The following ALG1L2 variants were observed in gnomAD, a reference collection of about 807,000 sequenced individuals.
ALG1L2 encodes ALG1 chitobiosyldiphosphodolichol beta-mannosyltransferase like 2, also known as putative glycosyltransferase ALG1L2.
In ALG1L2, 32 loss-of-function variants were observed where a neutral mutation model predicts 29.0. That is an observed-to-expected ratio of 1.10 (90% CI 0.83 to 1.48). The LOEUF (loss-of-function observed/expected upper bound fraction) is 1.48, where lower values mean the gene tolerates loss of function less well. Ranked by LOEUF, ALG1L2 falls within the 40% of genes most tolerant of loss-of-function variation. The pLI, the probability that ALG1L2 is intolerant of heterozygous loss-of-function variation, is 0.00. For synonymous variants in ALG1L2, 110 were observed against 109.5 expected (o/e 1.00, Z -0.03); for missense variants, 318 against 274.1 (o/e 1.16, Z -1.13).
At chr3:130,098,009 G>C (rs1055565252) in intron 7 of ALG1L2, among the ~76,000 whole-genome samples, 4 of 152,164 alleles carry the variant, frequency 2.6e-5, no homozygotes, top group Non-Finnish European at 5.9e-5. Context: ...GGTGCTCCAG[G>C]GCACCAAGTG....
chr3:130,082,634 A>G (rs1329216214), intron 1 of ALG1L2, among the ~76,000 whole-genome samples: 1 of 144,068 alleles, frequency 6.9e-6, no homozygotes, highest in African/African-American at 2.4e-5. Context: ...CCCTGCAGCC[A>G]GTCTGAATCT....
chr3:130,093,676 G>T (rs984464124), intron 4 of ALG1L2, among the ~76,000 whole-genome samples: 1 of 152,106 alleles, frequency 6.6e-6, no homozygotes, highest in African/African-American at 2.4e-5. Flanking sequence ...CACCCGCCTT[G>T]GCCTCCCAAT....
rs1935034350 is a variant in ALG1L2, at chr3:130,092,237, TG to T, written c.253+19del. The stretch of plus-strand genomic sequence containing the variant: ...AAGCTGGACAGGTCTGCATGACCAC[TG>T]GGGCACTTGGGGTTGGTGTGAAGGG... On this transcript the variant is annotated intron_variant, in intron 3 of 7. Transcript: ENST00000425059. The T allele has an allele frequency of 6.2e-7, 1 of 1,605,000 alleles. No homozygotes were observed. Among genetic ancestry groups the T allele is most frequent in the African/African-American group, 1.3e-5 (1 of 74,600 alleles).
At chr3:130,085,393 G>A (rs1362397352) in intron 1 of ALG1L2, among the ~76,000 whole-genome samples, 1 of 105,048 alleles carries the variant, frequency 9.5e-6, no homozygotes. Flanking sequence ...ACTGTGCCTG[G>A]CGTATTTTAT....
At chr3:130,094,332 T>C in intron 4 of ALG1L2, 71 bp from the exon 5 acceptor site, 1 of 1,535,676 alleles carries the variant, frequency 6.5e-7, no homozygotes, top group Non-Finnish European at 8.9e-7. Context: ...TAGGGGGGAG[T>C]GTCTTGGGCC....
chr3:130,095,939 G>A lies in ALG1L2; in HGVS notation c.425-110G>A. On this transcript the variant is annotated intron_variant, in intron 5 of 7. Coordinates refer to ENST00000425059, the MANE Select transcript of ALG1L2 (RefSeq NM_001136152.1). ...CCACTTGTGGTTGGGGATGTCGGGG[G>A]CCTTATCCAATTTTCACTCCCCTCG... 6.8e-6 allele frequency: 8 copies of A among 1,171,266 alleles called. No individual in the cohort carries two copies. In the East Asian group the frequency reaches 7.7e-5, roughly 11 times the overall value. The allele number at this position is 1,171,266 out of a possible 1,614,324, so 72.6% of individuals were successfully genotyped here.
chr3:130,089,874 C>G (rs1175815856), intron 1 of ALG1L2, among the ~76,000 whole-genome samples: 3 of 152,400 alleles, frequency 2.0e-5, no homozygotes, highest in African/African-American at 4.8e-5. Flanking sequence ...AACCCTGTCT[C>G]TACTTAAAAA....
chr3:130,096,098 C>G lies in ALG1L2; in HGVS notation c.474C>G (p.Asp158Glu), dbSNP rs751316543. Residue 158 changes from aspartate (D) to glutamate (E), a missense_variant, in exon 6 of 8, where the codon GAC becomes GAG. Transcript: ENST00000425059. ...TGGACACGTCCTCCAGTGGCCTGGA[C>G]CTGCCCATGAAGGTGGTGGACATGT... ...VCLDTSSSGL[D>E]LPMKVVDMFR... 4 of 1,611,930 alleles carry G rather than the reference C, an allele frequency of 2.5e-6. No homozygotes were observed. Among genetic ancestry groups the G allele is most frequent in the East Asian group, 4.5e-5 (2 of 44,886 alleles).
chr3:130,083,212 G>A (rs1479005444), intron 1 of ALG1L2, among the ~76,000 whole-genome samples: 2 of 144,064 alleles, frequency 1.4e-5, no homozygotes, highest in Non-Finnish European at 3.1e-5. Context: ...TTGGGGGGCC[G>A]AGGTGGGTGG....
At chr3:130,085,632 A>G (rs887043948) in intron 1 of ALG1L2, among the ~76,000 whole-genome samples, 4 of 151,478 alleles carry the variant, frequency 2.6e-5, no homozygotes, top group African/African-American at 9.6e-5. Flanking sequence ...ACTATCTCCA[A>G]ATATGTCACA....
chr3:130,087,156 G>A (rs1463290423), intron 1 of ALG1L2, among the ~76,000 whole-genome samples: 1 of 149,238 alleles, frequency 6.7e-6, no homozygotes, highest in Non-Finnish European at 1.5e-5. Context: ...TTCACTGAAC[G>A]ATCAACATTC....
chr3:130,097,422 G>C (rs918649683), intron 7 of ALG1L2, among the ~76,000 whole-genome samples, 172 bp downstream of exon 7: 1 of 152,146 alleles, frequency 6.6e-6, no homozygotes, highest in African/African-American at 2.4e-5. Flanking sequence ...GTCCCATTTC[G>C]GTACAGTAGG....
At chr3:130,091,846 G>C in intron 2 of ALG1L2, 1 of 715,882 alleles carries the variant, frequency 1.4e-6, no homozygotes. Flanking sequence ...CTTGGGTCCA[G>C]GGGATGACAA....
At chr3:130,084,279 G>A (rs755858109) in intron 1 of ALG1L2, among the ~76,000 whole-genome samples, 29 of 143,974 alleles carry the variant, frequency 2.0e-4, no homozygotes, top group Non-Finnish European at 3.0e-4. Context: ...ACAACATAGC[G>A]AGACCCCATT....
At chr3:130,088,725 A>G (rs1934946322) in intron 1 of ALG1L2, among the ~76,000 whole-genome samples, 4 of 151,308 alleles carry the variant, frequency 2.6e-5, no homozygotes, top group Admixed American at 2.6e-4. Context: ...GCCTGATCTA[A>G]TGGTTTTATA....
intron 2 of ALG1L2, 22 bp downstream of exon 2, chr3:130,091,393 G>A (rs775985736): frequency 1.1e-5 from 18 of 1,590,666 alleles, no homozygotes; most frequent in Admixed American, 1.7e-5. Context: ...ACCCTCAGCT[G>A]CCTTCTCTCC....
rs755962795 is a variant in ALG1L2 at position 130,094,505 on chromosome 3, C to G, written c.416C>G (p.Pro139Arg). ...TGGCTGGAGGGCCGAGGACTACCCCCGCTTCTAGGTGAGAGGCCAGCAGGA... is the reference window on the plus strand; with the variant it reads ...TGGCTGGAGGGCCGAGGACTACCCCGGCTTCTAGGTGAGAGGCCAGCAGGA... ...IPWLEGRGLPPLLGSVDLDVC... is the reference protein window; with the variant it reads ...IPWLEGRGLPRLLGSVDLDVC... The change falls in exon 5 of 8, where the codon CCG (proline) becomes CGG (arginine). Residue 139 changes from proline to arginine, a missense_variant. Pro to Arg is a moderately radical substitution (Grantham distance 103). Transcript: ENST00000425059. 248 of 1,594,406 alleles carry G rather than the reference C, an allele frequency of 1.6e-4. 1 individual carries two copies. The East Asian group carries it at 4.8e-3, about 31-fold the overall frequency.
chr3:130,098,181 G>C, intron 7 of ALG1L2, 42 bp from the exon 8 acceptor site: 13 of 1,596,042 alleles, frequency 8.1e-6, no homozygotes, highest in Non-Finnish European at 1.0e-5. Context: ...GGTGACCTGG[G>C]ATGGGGTGGG....
rs1935130938 is a variant in ALG1L2 at position 130,096,217 on chromosome 3, A to G, written c.539+54A>G. 5.0e-6 allele frequency: 8 copies of G among 1,585,506 alleles called. No homozygotes were observed. The East Asian group carries it at 1.8e-4, about 36-fold the overall frequency. ...GGATAGCTTCACAGATCCACCGCTG[A>G]GGGGGAAGCAGTGCAGAGTGAGCTG... On this transcript the variant is annotated intron_variant, in intron 6 of 7. Coordinates refer to ENST00000425059, the MANE Select transcript of ALG1L2 (RefSeq NM_001136152.1).
Sources: allele counts gnomAD v4.1 joint callset (sites outside exome capture counted in the v4.1 genomes callset), GRCh38; gene constraint gnomAD v4.1.1; transcripts MANE v1.5; gene names NCBI Gene and HGNC (gene_info 2026-07-23, HGNC 2026-07-21).